Variants in SAMHD1 observed in about 807,000 individuals in gnomAD.
SAMHD1 encodes SAM and HD domain containing deoxynucleoside triphosphate triphosphohydrolase 1.
In SAMHD1, 54 loss-of-function variants were observed where a neutral mutation model predicts 79.6. The ratio of observed to expected loss-of-function variants is 0.68; its 90% CI spans 0.55 to 0.85. SAMHD1 has a LOEUF of 0.85. SAMHD1 is among the 40% of genes least tolerant of loss of function. SAMHD1 has a pLI of 0.00. For synonymous variants in SAMHD1, 260 were observed against 264.1 expected (o/e 0.98, Z 0.15); for missense variants, 663 against 782.7 (o/e 0.85, Z 1.82).
chr20:36,931,142 T>C, intron 4 of SAMHD1: 2 of 454,222 alleles, frequency 4.4e-6, no homozygotes, highest in Non-Finnish European at 8.1e-6. Context: ...TAGCTACTAT[T>C]AAAAAAAGAA....
At position 36,892,756 on chromosome 20, in the gene SAMHD1, G is replaced by A; in HGVS notation, c.*176C>T. Reference sequence around the variant, plus strand: ...GGTAATGCTTTTCATAGTATAGTAAGATTTGCCTAATACCATCTTATTTCT... The same window carrying A: ...GGTAATGCTTTTCATAGTATAGTAAAATTTGCCTAATACCATCTTATTTCT... On this transcript the variant is annotated 3_prime_UTR_variant, in exon 16 of 16. Coordinates refer to ENST00000646673, the MANE Select transcript of SAMHD1 (RefSeq NM_015474.4). 1.3e-6 allele frequency: 1 copy of A among 785,078 alleles called. No homozygotes were observed. 48.6% of individuals were successfully genotyped at this position (785,078 alleles called of 1,614,324 possible).
chr20:36,893,167 A>G, intron 15 of SAMHD1, 101 bp from the exon 16 acceptor site: 1 of 1,441,200 alleles, frequency 6.9e-7, no homozygotes, highest in Non-Finnish European at 9.6e-7. Context: ...CATCTTGCAT[A>G]TAGATTGCTT....
At chr20:36,937,078 T>C (rs571989400) in intron 3 of SAMHD1, among the ~76,000 whole-genome samples, 2 of 151,062 alleles carry the variant, frequency 1.3e-5, no homozygotes, top group East Asian at 3.9e-4. Flanking sequence ...GAGGCAAAGG[T>C]TGCAGTGAGC....
chr20:36,946,385 C>G lies in SAMHD1; in HGVS notation c.275+353G>C, dbSNP rs570638398. 4 of 222,780 alleles carry G rather than the reference C, an allele frequency of 1.8e-5. No individual in the cohort carries two copies. The South Asian group carries it at 2.3e-4, about 13-fold the overall frequency. The allele number at this position is 222,780 out of a possible 1,614,324, so 13.8% of individuals were successfully genotyped here. A position where few individuals can be genotyped will look rare whatever the true frequency, so the allele number is the denominator to read the frequency against. Reference sequence around the variant, plus strand: ...CCAAGATCACGCCACTGCACTCCAGCCTGGGAGACAGAGCGAGACTCTGTC... The same window carrying G: ...CCAAGATCACGCCACTGCACTCCAGGCTGGGAGACAGAGCGAGACTCTGTC... On this transcript the variant is annotated intron_variant, in intron 2 of 15. Coordinates refer to ENST00000646673, the MANE Select transcript of SAMHD1 (RefSeq NM_015474.4).
At chr20:36,913,783 G>A (rs1326610742) in intron 9 of SAMHD1, among the ~76,000 whole-genome samples, 6 of 132,058 alleles carry the variant, frequency 4.5e-5, no homozygotes, top group South Asian at 4.7e-4. Context: ...AGACAGTCTC[G>A]CTCTGTCACC....
At chr20:36,899,965 G>A (rs1990271181) in intron 13 of SAMHD1, among the ~76,000 whole-genome samples, 1 of 151,792 alleles carries the variant, frequency 6.6e-6, no homozygotes, top group South Asian at 2.1e-4. Context: ...GTGGTGGCAG[G>A]CGCCTGTAGT....
intron 13 of SAMHD1, among the ~76,000 whole-genome samples, chr20:36,902,951 A>T (rs1489470665): frequency 1.3e-5 from 2 of 151,858 alleles, no homozygotes; most frequent in African/African-American, 2.4e-5. Context: ...GTTGGGCAGG[A>T]TGGTCTCAAC....
At position 36,892,744 on chromosome 20, in the gene SAMHD1, A is replaced by G; in HGVS notation, c.*188T>C. The G allele has an allele frequency of 1.4e-6, 1 of 725,388 alleles. No homozygotes were observed. Among genetic ancestry groups the G allele is most frequent in the South Asian group, 1.5e-5 (1 of 64,824 alleles). The allele number at this position is 725,388 out of a possible 1,614,324, so 44.9% of individuals were successfully genotyped here. ...AAAAATAGGCAAGGTAATGCTTTTC[A>G]TAGTATAGTAAGATTTGCCTAATAC... On this transcript the variant is annotated 3_prime_UTR_variant, in exon 16 of 16. Transcript: ENST00000646673.
At position 36,891,889 on chromosome 20, in the gene SAMHD1, A is replaced by G. The variant is rs1990083534; in HGVS notation, c.*1043T>C. 1 of 152,350 alleles carries G rather than the reference A, an allele frequency of 6.6e-6. No homozygotes were observed. The highest frequency in any genetic ancestry group is 6.5e-5 in the Admixed American group (1 of 15,282). 9.4% of individuals were successfully genotyped at this position (152,350 alleles called of 1,614,324 possible). On this transcript the variant is annotated 3_prime_UTR_variant, in exon 16 of 16. Transcript: ENST00000646673. ...TTAAATACACAAAATGCACTGAACC[A>G]GCAAAAACAAAGTCCCAGGTCTGAG...
rs145457928 is a variant in SAMHD1 at position 36,904,998 on chromosome 20, A to G, written c.1410+366T>C. On this transcript the variant is annotated intron_variant, in intron 12 of 15. Transcript: ENST00000646673. ...ATTACAACAGGTCACCACAGCCTCA[A>G]TGAAGCTCATGCAGGCACTTTCTTT... 2.3e-3 allele frequency: 672 copies of G among 289,516 alleles called. 2 individuals are homozygous for G. The highest frequency in any genetic ancestry group is 0.012 in the African/African-American group (566 of 46,066). The allele number at this position is 289,516 out of a possible 1,614,324, so 17.9% of individuals were successfully genotyped here.
At chr20:36,927,314 CTTTTTT>C (rs529639777) in intron 5 of SAMHD1, 62 bp from the exon 6 acceptor site, 360 of 765,548 alleles carry the variant, frequency 4.7e-4, no homozygotes, top group Middle Eastern at 9.8e-4. Context: ...AAACTTTTTC[CTTTTTT>C]TTTTTTTTTT....
At chr20:36,897,691 A>G (rs1990221879) in intron 15 of SAMHD1, 131 bp downstream of exon 15, 2 of 1,000,568 alleles carry the variant, frequency 2.0e-6, no homozygotes, top group African/African-American at 3.2e-5. Flanking sequence ...AAGAAAGTGA[A>G]AGACCTTATT....
At chr20:36,910,730 C>CAAA (rs397777434) in intron 11 of SAMHD1, among the ~76,000 whole-genome samples, 1 of 118,164 alleles carries the variant, frequency 8.5e-6, no homozygotes, top group African/African-American at 3.1e-5. Context: ...ACTCCATCTC[C>CAAA]AAAAAAAAAA....
intron 11 of SAMHD1, among the ~76,000 whole-genome samples, chr20:36,906,422 A>G (rs886695050): frequency 6.6e-6 from 1 of 152,236 alleles, no homozygotes; most frequent in Admixed American, 6.5e-5. Flanking sequence ...TGGGTGACAG[A>G]GTGACACTAT....
At chr20:36,936,128 A>G (rs1157107463) in intron 3 of SAMHD1, among the ~76,000 whole-genome samples, 1 of 151,672 alleles carries the variant, frequency 6.6e-6, no homozygotes, top group Non-Finnish European at 1.5e-5. Context: ...AGTCCCGGGT[A>G]CTCTAGAGGC....
chr20:36,922,545 A>G (rs1225100665), intron 6 of SAMHD1, among the ~76,000 whole-genome samples: 1 of 152,112 alleles, frequency 6.6e-6, no homozygotes, highest in Admixed American at 6.6e-5. Context: ...TGACCAGCTG[A>G]TGTTTTCATA....
At position 36,930,892 on chromosome 20, in the gene SAMHD1, CAA is replaced by C. The variant is rs772577201; in HGVS notation, c.510-19_510-18del. ...TACCCCACCCTGCAGAGCAAAAACA[CAA>C]AAAGTCACTTTTCTGTTTGCAAGAG... On this transcript the variant is annotated intron_variant, in intron 4 of 15. Coordinates refer to ENST00000646673, the MANE Select transcript of SAMHD1 (RefSeq NM_015474.4). 5.2e-6 allele frequency: 8 copies of C among 1,547,600 alleles called. No individual in the cohort carries two copies. Among genetic ancestry groups the C allele is most frequent in the Middle Eastern group, 1.7e-4 (1 of 5,972 alleles).
chr20:36,940,782 G>A, intron 3 of SAMHD1: 1 of 521,894 alleles, frequency 1.9e-6, no homozygotes, highest in South Asian at 2.3e-5. Context: ...AAGCAAATTA[G>A]GCAAAATATT....
intron 2 of SAMHD1, 196 bp downstream of exon 2, chr20:36,946,542 C>A: frequency 3.7e-6 from 2 of 534,386 alleles, no homozygotes; most frequent in Non-Finnish European, 6.8e-6. Flanking sequence ...AGCCGAGATA[C>A]TCCAGCCTGG....
Sources: allele counts gnomAD v4.1 joint callset (sites outside exome capture counted in the v4.1 genomes callset), GRCh38; gene constraint gnomAD v4.1.1; transcripts MANE v1.5; gene names NCBI Gene and HGNC (gene_info 2026-07-23, HGNC 2026-07-21).